STX4: variants seen among roughly 807,000 people sequenced by gnomAD.
STX4 encodes syntaxin 4.
STX4 carries 24 observed loss-of-function variants against 41.8 expected under a neutral mutation model. The observed-to-expected ratio is 0.57, with a 90% CI of 0.42 to 0.81. STX4 has a LOEUF of 0.81. Among genes scored for constraint, STX4 ranks in the 30% least tolerant of loss-of-function variants. The probability of loss-of-function intolerance (pLI) is 0.00; values close to 1 mark genes in which losing one functional copy is unlikely to be tolerated. For synonymous variants in STX4, 158 were observed against 156.4 expected (o/e 1.01, Z -0.08); for missense variants, 316 against 389.9 (o/e 0.81, Z 1.60).
chr16:31,039,929 A>G lies in STX4; in HGVS notation c.*33A>G, dbSNP rs2143730438. On this transcript the variant is annotated 3_prime_UTR_variant, in exon 11 of 11. Coordinates refer to ENST00000313843, the MANE Select transcript of STX4 (RefSeq NM_004604.5). This position sits in a 1 kb window ranked among gnomAD's most constrained non-coding sequence, Gnocchi z 4.1. ...CCTTACAGGCACTAGGAGCACCAGG[A>G]ACCCAGGGCCTGGCCTTCTCTCCCA... 8.8e-7 allele frequency: 1 copy of G among 1,137,824 alleles called. No homozygotes were observed. Among genetic ancestry groups the G allele is most frequent in the African/African-American group, 1.5e-5 (1 of 65,612 alleles). 70.5% of individuals were successfully genotyped at this position (1,137,824 alleles called of 1,614,324 possible).
chr16:31,033,220 C>G, upstream of STX4: 1 of 641,044 alleles, frequency 1.6e-6, no homozygotes, highest in Non-Finnish European at 3.0e-6. This position sits in a 1 kb window ranked among gnomAD's most constrained non-coding sequence, Gnocchi z 5.5. Context: ...GTCCCAGAGA[C>G]GGCGGTGACA....
chr16:31,033,170 T>TC (rs1321375837), upstream of STX4: 1 of 581,010 alleles, frequency 1.7e-6, no homozygotes, highest in Non-Finnish European at 3.4e-6. This position sits in a 1 kb window ranked among gnomAD's most constrained non-coding sequence, Gnocchi z 5.5. Context: ...TGGGCGTCGC[T>TC]CGGTCGTTGG....
In STX4 at chr16:31,033,970, A is replaced by G; in HGVS notation, c.31-43A>G. On this transcript the variant is annotated intron_variant, in intron 1 of 10. Transcript: ENST00000313843. The surrounding 1 kb of genome is among the most constrained non-coding windows in gnomAD (Gnocchi z 5.5). ...AAGCCTGTGGGTCCTGCGGGGTAAG[A>G]GCCGCAGCGAAACGGTGGTGCCAAT... The G allele has an allele frequency of 6.6e-7, 1 of 1,522,422 alleles. No homozygotes were observed. The highest frequency in any genetic ancestry group is 8.8e-7 in the Non-Finnish European group (1 of 1,131,536). 94.3% of individuals were successfully genotyped at this position (1,522,422 alleles called of 1,614,324 possible).
chr16:31,033,502 G>A (rs1426101670), upstream of STX4: 1 of 1,550,634 alleles, frequency 6.4e-7, no homozygotes, highest in Non-Finnish European at 8.7e-7. This position sits in a 1 kb window ranked among gnomAD's most constrained non-coding sequence, Gnocchi z 5.5. Context: ...CCAGCCTCGG[G>A]CAAGGAAGAG....
At position 31,035,016 on chromosome 16, in the gene STX4, C is replaced by G. The variant is rs766184941; in HGVS notation, c.354C>G (p.Val118=). The G allele has an allele frequency of 5.6e-6, 9 of 1,610,620 alleles. No homozygotes were observed. The highest frequency in any genetic ancestry group is 7.6e-6 in the Non-Finnish European group (9 of 1,178,938). Residue 118 remains valine, a synonymous_variant, in exon 5 of 11, where the codon GTC becomes GTG. Coordinates refer to ENST00000313843, the MANE Select transcript of STX4 (RefSeq NM_004604.5). ...KEEADENYNS[V]NTRMRKTQHG... ...AAGCTGATGAGAACTATAACTCCGT[C>G]AACACAAGAATGAGAAAAACCCAGG...
chr16:31,038,358 A>G, intron 7 of STX4, 152 bp from the exon 8 acceptor site: 1 of 1,323,494 alleles, frequency 7.6e-7, no homozygotes. Context: ...TTTCTGATTA[A>G]GGGCACCCTG....
chr16:31,037,335 A>G (rs955957511), intron 5 of STX4, among the ~76,000 whole-genome samples: 3 of 149,260 alleles, frequency 2.0e-5, no homozygotes, highest in African/African-American at 7.3e-5. Context: ...AAGTGCTGGG[A>G]TCACAGGCAT....
chr16:31,034,876 T>G, intron 4 of STX4, 94 bp from the exon 5 acceptor site: 1 of 1,175,092 alleles, frequency 8.5e-7, no homozygotes, highest in Non-Finnish European at 1.2e-6. Flanking sequence ...TTTCTCCTCT[T>G]AGAGGCTCAG....
intron 5 of STX4, 32 bp downstream of exon 5, chr16:31,035,072 T>G: frequency 6.4e-7 from 1 of 1,563,196 alleles, no homozygotes; most frequent in Non-Finnish European, 8.7e-7. Context: ...TGAGGACATT[T>G]CAGCAAATGT....
intron 4 of STX4, 70 bp downstream of exon 4, chr16:31,034,606 G>A (rs2056786013): frequency 2.8e-6 from 4 of 1,451,076 alleles, no homozygotes; most frequent in Non-Finnish European, 3.7e-6. Context: ...TCTGGGGAGT[G>A]TGTGGCCCAG....
In STX4 at chr16:31,033,964, G is replaced by T. The variant is rs1483921299; in HGVS notation, c.31-49G>T. ...TCCCGGAAGCCTGTGGGTCCTGCGG[G>T]GTAAGAGCCGCAGCGAAACGGTGGT... On this transcript the variant is annotated intron_variant, in intron 1 of 10. Coordinates refer to ENST00000313843, the MANE Select transcript of STX4 (RefSeq NM_004604.5). This position sits in a 1 kb window ranked among gnomAD's most constrained non-coding sequence, Gnocchi z 5.5. 1 of 1,513,548 alleles carries T rather than the reference G, an allele frequency of 6.6e-7. No homozygotes were observed. Among genetic ancestry groups the T allele is most frequent in the African/African-American group, 1.4e-5 (1 of 72,640 alleles). 93.8% of individuals were successfully genotyped at this position (1,513,548 alleles called of 1,614,324 possible).
rs769170826 is a variant in STX4 at position 31,038,561 on chromosome 16, C to T, written c.616C>T (p.Arg206Trp). 5.0e-6 allele frequency: 8 copies of T among 1,613,964 alleles called. No homozygotes were observed. Among genetic ancestry groups the T allele is most frequent in the East Asian group, 2.2e-5 (1 of 44,896 alleles). The change falls in exon 8 of 11, where the codon CGG (arginine) becomes TGG (tryptophan). Residue 206 changes from arginine (R) to tryptophan (W), a missense_variant. By Grantham distance (101) the Arg-to-Trp change is moderately radical. Transcript: ENST00000313843. ...TRQALNEISA[R>W]HSEIQQLERS... ...ACAGGCCTTAAATGAGATCTCGGCCCGGCACAGTGAGATCCAGCAGCTTGA... is the reference window on the plus strand; with the variant it reads ...ACAGGCCTTAAATGAGATCTCGGCCTGGCACAGTGAGATCCAGCAGCTTGA...
intron 7 of STX4, 29 bp from the exon 8 acceptor site, chr16:31,038,481 C>T: frequency 6.2e-7 from 1 of 1,613,316 alleles, no homozygotes; most frequent in Non-Finnish European, 8.5e-7. Context: ...TCCCTGTGAA[C>T]AGTTGCCCCA....
At chr16:31,033,189 G>A, upstream of STX4, 1 of 608,086 alleles carries the variant, frequency 1.6e-6, no homozygotes, top group Non-Finnish European at 3.2e-6. The surrounding 1 kb of genome is among the most constrained non-coding windows in gnomAD (Gnocchi z 5.5). Flanking sequence ...GGGGTGCCGG[G>A]GACGTCGTGA....
chr16:31,037,519 G>C (rs2056809720), intron 5 of STX4, among the ~76,000 whole-genome samples: 1 of 150,720 alleles, frequency 6.6e-6, no homozygotes, highest in Admixed American at 6.6e-5. Flanking sequence ...AATTAGCCGT[G>C]CGTGGTGGCG....
rs1230184420 is a variant in STX4, at chr16:31,038,161, A to C, written c.535A>C (p.Ser179Arg). ...TGAGGAGTTGGAGCAGATGCTGGAC[A>C]GTGGGCAAAGCGAGGTGTTTGTGTC... ...SDEELEQMLD[S>R]GQSEVFVSNI... Residue 179 changes from serine to arginine, a missense_variant, in exon 7 of 11, where the codon AGT becomes CGT. Transcript: ENST00000313843. 2 of 1,614,134 alleles carry C rather than the reference A, an allele frequency of 1.2e-6. No individual in the cohort carries two copies. Among genetic ancestry groups the C allele is most frequent in the Admixed American group, 1.7e-5 (1 of 60,010 alleles).
chr16:31,037,148 C>G (rs1285003308), intron 5 of STX4, among the ~76,000 whole-genome samples: 1 of 151,026 alleles, frequency 6.6e-6, no homozygotes, highest in Non-Finnish European at 1.5e-5. Context: ...ACTGCAACCT[C>G]CGCCTCCTGG....
chr16:31,033,632 C>A lies in STX4; in HGVS notation c.-174C>A. On this transcript the variant is annotated 5_prime_UTR_variant, in exon 1 of 11. Transcript: ENST00000313843. This position sits in a 1 kb window ranked among gnomAD's most constrained non-coding sequence, Gnocchi z 5.5. ...TGGAACCTTGGGGGGTCCCCGGGGT[C>A]GGCGCCTTCCCATTGACTGTGGGCG... 6.8e-7 allele frequency: 1 copy of A among 1,474,432 alleles called. No homozygotes were observed. The highest frequency in any genetic ancestry group is 1.4e-5 in the South Asian group (1 of 73,272). 91.3% of individuals were successfully genotyped at this position (1,474,432 alleles called of 1,614,324 possible).
Position 31,034,271 on chromosome 16 carries a change from C to A in STX4, c.178C>A (p.Gln60Lys). The change falls in exon 3 of 11, where the codon CAG becomes AAG. Residue 60 changes from glutamine (Q) to lysine (K), a missense_variant. Coordinates refer to ENST00000313843, the MANE Select transcript of STX4 (RefSeq NM_004604.5). ...QTIVKLGNKV[Q>K]ELEKQQVTIL... ...TATTGTCAAACTGGGGAATAAAGTC[C>A]AGGAGTTGGAGAAACAGCAGGTCAC... The A allele has an allele frequency of 6.2e-7, 1 of 1,614,104 alleles. No homozygotes were observed. Among genetic ancestry groups the A allele is most frequent in the Non-Finnish European group, 8.5e-7 (1 of 1,180,020 alleles).
Sources: gnomAD v4.1 joint callset for allele counts (sites outside exome capture counted in the v4.1 genomes callset) on GRCh38, gnomAD v4.1.1 for gene constraint, Gnocchi (gnomAD v3.1) non-coding constraint, MANE v1.5 for transcripts, NCBI Gene and HGNC (gene_info 2026-07-23, HGNC 2026-07-21) for gene names.